Variants in SNTB2 observed in about 807,000 individuals in gnomAD.
SNTB2 encodes the protein syntrophin beta 2, also known as beta-2-syntrophin.
In SNTB2, 34 loss-of-function variants were observed where a neutral mutation model predicts 46.2. The observed-to-expected ratio is 0.74, with a 90% CI of 0.56 to 0.98. The LOEUF (loss-of-function observed/expected upper bound fraction) is 0.98. SNTB2 is among the 50% of genes least tolerant of loss of function. The pLI is 0.00. For missense variants in SNTB2, 603 were observed against 731.4 expected (o/e 0.82, Z 2.02); for synonymous variants, 290 against 312.6 (o/e 0.93, Z 0.76).
At chr16:69,270,646 G>A (rs548632507) in intron 4 of SNTB2, among the ~76,000 whole-genome samples, 149 of 152,192 alleles carry the variant, frequency 9.8e-4, no homozygotes, top group South Asian at 2.7e-3. Flanking sequence ...ACTGAGTGAC[G>A]AAATCATTTA....
chr16:69,296,744 A>C (rs1365273186), intron 5 of SNTB2, among the ~76,000 whole-genome samples: 1 of 149,134 alleles, frequency 6.7e-6, no homozygotes, highest in East Asian at 2.0e-4. Context: ...GAAAAAAGAA[A>C]TCTCAGGGGC....
chr16:69,283,587 T>C (rs934174901), intron 4 of SNTB2, among the ~76,000 whole-genome samples: 2 of 152,164 alleles, frequency 1.3e-5, no homozygotes, highest in African/African-American at 4.8e-5. Flanking sequence ...TGAAATGCAG[T>C]TAGCTATCCA....
At chr16:69,278,453 T>C (rs1464745309) in intron 4 of SNTB2, among the ~76,000 whole-genome samples, 2 of 151,024 alleles carry the variant, frequency 1.3e-5, no homozygotes, top group African/African-American at 2.4e-5. Flanking sequence ...CTTTTTTTTG[T>C]AGGGTTTTTT....
chr16:69,213,870 T>A (rs2152292545), intron 1 of SNTB2, among the ~76,000 whole-genome samples: 1 of 134,362 alleles, frequency 7.4e-6, no homozygotes, highest in East Asian at 2.2e-4. Context: ...TTGCCCAGGC[T>A]AGAGTGCGGT....
At chr16:69,291,575 G>A (rs1037243657) in intron 5 of SNTB2, among the ~76,000 whole-genome samples, 2 of 152,134 alleles carry the variant, frequency 1.3e-5, no homozygotes, top group African/African-American at 4.8e-5. Context: ...TGGGCATGGT[G>A]GCATGCACCT....
chr16:69,270,050 T>C (rs1964923343), intron 3 of SNTB2, 93 bp from the exon 4 acceptor site: 1 of 1,451,698 alleles, frequency 6.9e-7, no homozygotes, highest in African/African-American at 1.4e-5. Flanking sequence ...GAAAACAAAA[T>C]GGAGACCCAT....
At chr16:69,276,359 G>A (rs1025851610) in intron 4 of SNTB2, among the ~76,000 whole-genome samples, 1 of 152,204 alleles carries the variant, frequency 6.6e-6, no homozygotes, top group East Asian at 1.9e-4. Flanking sequence ...CCAACCAACC[G>A]CTGCTCAGCG....
intron 4 of SNTB2, among the ~76,000 whole-genome samples, chr16:69,278,906 G>GTGTGTGTGTGTGTGTGTGTGTGTA (rs1344142524): frequency 6.6e-6 from 1 of 151,330 alleles, no homozygotes; most frequent in Non-Finnish European, 1.5e-5. Context: ...GTGTGTGTGT[G>GTGTGTGTGTGTGTGTGTGTGTGTA]TGTGTGTGTG....
intron 5 of SNTB2, among the ~76,000 whole-genome samples, chr16:69,287,781 C>G (rs959171598): frequency 6.6e-6 from 1 of 151,926 alleles, no homozygotes; most frequent in Non-Finnish European, 1.5e-5. Flanking sequence ...ATTGCTTGAA[C>G]CTGGGAGGCG....
chr16:69,260,663 T>A (rs1964826127), intron 3 of SNTB2, among the ~76,000 whole-genome samples: 1 of 152,142 alleles, frequency 6.6e-6, no homozygotes, highest in African/African-American at 2.4e-5. Flanking sequence ...GGAAAATGAA[T>A]GGGTGTGACT....
At chr16:69,264,315 T>C (rs562220860) in intron 3 of SNTB2, among the ~76,000 whole-genome samples, 1 of 152,256 alleles carries the variant, frequency 6.6e-6, no homozygotes, top group South Asian at 2.1e-4. Context: ...GAGTGGTGAG[T>C]TGGCTCCAAG....
intron 1 of SNTB2, among the ~76,000 whole-genome samples, chr16:69,194,095 A>T (rs1461274877): frequency 6.6e-6 from 1 of 152,110 alleles, no homozygotes; most frequent in African/African-American, 2.4e-5. Flanking sequence ...GCTTAGTCTG[A>T]TAGCTTGCTG....
At chr16:69,268,012 G>A (rs1964902549) in intron 3 of SNTB2, among the ~76,000 whole-genome samples, 1 of 152,168 alleles carries the variant, frequency 6.6e-6, no homozygotes, top group Admixed American at 6.5e-5. Flanking sequence ...GATGATGACA[G>A]GGCTTTTCTT....
At chr16:69,268,982 C>G (rs1235458215) in intron 3 of SNTB2, among the ~76,000 whole-genome samples, 1 of 150,764 alleles carries the variant, frequency 6.6e-6, no homozygotes, top group Non-Finnish European at 1.5e-5. Context: ...CCAGCCTGAC[C>G]AACATGGAGA....
At chr16:69,285,660 T>A (rs1489566036) in intron 5 of SNTB2, among the ~76,000 whole-genome samples, 2 of 143,076 alleles carry the variant, frequency 1.4e-5, no homozygotes, top group African/African-American at 5.8e-5. Context: ...AAAAAAAAAT[T>A]TTTTTTTTTT....
intron 5 of SNTB2, among the ~76,000 whole-genome samples, chr16:69,286,342 G>C (rs2143166546): frequency 6.6e-6 from 1 of 152,240 alleles, no homozygotes; most frequent in East Asian, 1.9e-4. Flanking sequence ...CTTGAGGCCA[G>C]GAGTTTTAAG....
At chr16:69,199,978 G>A (rs1428478948) in intron 1 of SNTB2, among the ~76,000 whole-genome samples, 1 of 151,904 alleles carries the variant, frequency 6.6e-6, no homozygotes, top group Non-Finnish European at 1.5e-5. Context: ...GCAGTGGCAC[G>A]ATCTCAGCTC....
chr16:69,187,727 C>G lies in SNTB2; in HGVS notation c.561C>G (p.Gly187=). Residue 187 remains glycine, a synonymous_variant, in exon 1 of 7, where the codon GGC becomes GGG. Transcript: ENST00000336278. ...DQAVQALKRA[G]KEVLLEVKFI... ...CCGTGCAGGCGCTGAAGCGCGCGGG[C>G]AAGGAGGTGCTGCTGGAGGGTGAGC... 7.8e-7 allele frequency: 1 copy of G among 1,282,684 alleles called. No homozygotes were observed. The highest frequency in any genetic ancestry group is 1.0e-6 in the Non-Finnish European group (1 of 992,016). The allele number at this position is 1,282,684 out of a possible 1,614,324, so 79.5% of individuals were successfully genotyped here. A position where few individuals can be genotyped will look rare whatever the true frequency, so the allele number is the denominator to read the frequency against.
At chr16:69,297,818 G>A (rs551308983) in intron 5 of SNTB2, among the ~76,000 whole-genome samples, 2 of 152,110 alleles carry the variant, frequency 1.3e-5, no homozygotes, top group South Asian at 4.1e-4. Flanking sequence ...GCAGGCTGAG[G>A]CAGAAGAATT....
Sources: gnomAD v4.1 joint callset for allele counts (sites outside exome capture counted in the v4.1 genomes callset) on GRCh38, gnomAD v4.1.1 for gene constraint, MANE v1.5 for transcripts, NCBI Gene and HGNC (gene_info 2026-07-23, HGNC 2026-07-21) for gene names.